Variants in ZFYVE27 observed in about 807,000 individuals in gnomAD.
The protein encoded by ZFYVE27 is zinc finger FYVE-type containing 27.
ZFYVE27 carries 36 observed loss-of-function variants against 52.8 expected under a neutral mutation model. The observed-to-expected ratio is 0.68, with a 90% CI of 0.52 to 0.90. The LOEUF (loss-of-function observed/expected upper bound fraction) is 0.90. ZFYVE27 is among the 40% of genes least tolerant of loss of function. The pLI is 0.00. For synonymous variants in ZFYVE27, 223 were observed against 215.6 expected, an observed-to-expected ratio of 1.03 and a Z score of -0.30; for missense variants, 450 against 527.2, an observed-to-expected ratio of 0.85 and a Z score of 1.43.
intron 10 of ZFYVE27, 151 bp downstream of exon 10, chr10:97,753,333 C>T: frequency 7.9e-7 from 1 of 1,260,340 alleles, no homozygotes; most frequent in South Asian, 1.5e-5. Flanking sequence ...TCCGCGGGAC[C>T]CCGGGGAGCT....
rs1418193420 is a variant in ZFYVE27, at chr10:97,738,534, C to G, written c.57C>G (p.Pro19=). ...SGPELSPSVM[P]EAPLESPPFP... ...CGGAGCTGAGCCCCAGCGTGATGCC[C>G]GAGGCTCCCCTGGAGTCTCCACCTT... is the stretch of plus-strand genomic sequence containing the variant. Residue 19 remains proline, a synonymous_variant, in exon 2 of 13, where the codon CCC becomes CCG. Coordinates refer to ENST00000684270, the MANE Select transcript of ZFYVE27 (RefSeq NM_001385875.1). 2.5e-6 allele frequency: 4 copies of G among 1,614,134 alleles called. No individual in the cohort carries two copies. In the Admixed American group the frequency reaches 6.7e-5, roughly 27 times the overall value.
intron 10 of ZFYVE27, chr10:97,754,695 A>G (rs1470493840): frequency 7.8e-7 from 1 of 1,289,206 alleles, no homozygotes; most frequent in Non-Finnish European, 1.0e-6. Context: ...CCATACTTGC[A>G]CATGTGTGAT....
At position 97,744,664 on chromosome 10, in the gene ZFYVE27, G is replaced by C. The variant is rs188283772; in HGVS notation, c.269-65G>C. Reference sequence around the variant, plus strand: ...AGGAGGTGAGGAACAAGCAGTGGGCGTCTGGGTGGGCCGACTCCTGGTCTT... The same window carrying C: ...AGGAGGTGAGGAACAAGCAGTGGGCCTCTGGGTGGGCCGACTCCTGGTCTT... On this transcript the variant is annotated intron_variant, in intron 3 of 12. Transcript: ENST00000684270. 4.4e-6 allele frequency: 7 copies of C among 1,591,026 alleles called. No homozygotes were observed. In the African/African-American group the frequency reaches 5.4e-5, roughly 12 times the overall value.
Position 97,749,652 on chromosome 10 carries a change from G to T in ZFYVE27, c.664+66G>T, listed in dbSNP as rs1192907422. 9 of 1,293,218 alleles carry T rather than the reference G, an allele frequency of 7.0e-6. No individual in the cohort carries two copies. In the East Asian group the frequency reaches 1.4e-4, roughly 20 times the overall value. 80.1% of individuals were successfully genotyped at this position (1,293,218 alleles called of 1,614,324 possible). On this transcript the variant is annotated intron_variant, in intron 6 of 12. Coordinates refer to ENST00000684270, the MANE Select transcript of ZFYVE27 (RefSeq NM_001385875.1). Reference sequence around the variant, plus strand: ...TCTGAGGGCTAGGCTAGGCTCCCCAGTTCTTCTGTCTCTACAGCTAATCAT... The same window carrying T: ...TCTGAGGGCTAGGCTAGGCTCCCCATTTCTTCTGTCTCTACAGCTAATCAT...
chr10:97,743,018 C>T lies in ZFYVE27; in HGVS notation c.198-76C>T, dbSNP rs370147130. 229 of 1,506,756 alleles carry T rather than the reference C, an allele frequency of 1.5e-4. 1 individual carries two copies. The East Asian group carries it at 2.4e-3, about 16-fold the overall frequency. 93.3% of individuals were successfully genotyped at this position (1,506,756 alleles called of 1,614,324 possible). A position where few individuals can be genotyped will look rare whatever the true frequency, so the allele number is the denominator to read the frequency against. On this transcript the variant is annotated intron_variant, in intron 2 of 12. Coordinates refer to ENST00000684270, the MANE Select transcript of ZFYVE27 (RefSeq NM_001385875.1). ...GGCCTCCTCTTCTGGTTTGATGTCC[C>T]GTCTGTGCTGCCTGGTCTCCCCTCC... is the stretch of plus-strand genomic sequence containing the variant.
chr10:97,748,192 A>G, intron 4 of ZFYVE27, 77 bp from the exon 5 acceptor site: 1 of 1,367,108 alleles, frequency 7.3e-7, no homozygotes, highest in Non-Finnish European at 1.0e-6. Context: ...TCCCTAGCCA[A>G]CTGTACCTGC....
Position 97,752,699 on chromosome 10 carries a change from G to A in ZFYVE27, c.877-158G>A, listed in dbSNP as rs115674034. Reference sequence around the variant, plus strand: ...CTGTTTGATGCTGGGATCCTCTTGTGGGGGGCGTCTGTCAATGTCACCATT... The same window carrying A: ...CTGTTTGATGCTGGGATCCTCTTGTAGGGGGCGTCTGTCAATGTCACCATT... On this transcript the variant is annotated intron_variant, in intron 8 of 12. Transcript: ENST00000684270. 2.1e-4 allele frequency among the ~76,000 whole-genome samples: 32 copies of A among 152,210 alleles called. No individual in the cohort carries two copies. The East Asian group carries it at 3.9e-3, about 18-fold the overall frequency.
intron 10 of ZFYVE27, among the ~76,000 whole-genome samples, chr10:97,754,313 C>CTTT (rs35784590): frequency 7.7e-6 from 1 of 130,684 alleles, no homozygotes; most frequent in African/African-American, 2.8e-5. Flanking sequence ...TTCAAGATCC[C>CTTT]TTTTTTTTTT....
intron 2 of ZFYVE27, among the ~76,000 whole-genome samples, 192 bp from the exon 3 acceptor site, chr10:97,742,902 G>T (rs879475088): frequency 2.0e-5 from 3 of 152,124 alleles, no homozygotes; most frequent in Admixed American, 6.5e-5. Flanking sequence ...CCTCACCCCA[G>T]GTGCTAATGT....
At chr10:97,747,797 G>C (rs1406132617) in intron 4 of ZFYVE27, among the ~76,000 whole-genome samples, 1 of 151,958 alleles carries the variant, frequency 6.6e-6, no homozygotes, top group Non-Finnish European at 1.5e-5. Context: ...CCCAGATCTG[G>C]GTTCAGATTG....
chr10:97,744,597 C>T (rs1232821952), intron 3 of ZFYVE27, 132 bp from the exon 4 acceptor site: 21 of 1,020,954 alleles, frequency 2.1e-5, no homozygotes, highest in South Asian at 6.9e-5. Context: ...GACACTGTGT[C>T]GTACAGAGCT....
chr10:97,755,319 G>T (rs1229689436), intron 10 of ZFYVE27, among the ~76,000 whole-genome samples: 3 of 152,220 alleles, frequency 2.0e-5, no homozygotes, highest in African/African-American at 7.2e-5. Context: ...GAGGGGAGCT[G>T]CTTTGGGGGC....
Position 97,744,896 on chromosome 10 carries a change from G to A in ZFYVE27, c.436G>A (p.Val146Met), listed in dbSNP as rs746654065. 60 of 1,585,858 alleles carry A rather than the reference G, an allele frequency of 3.8e-5. No homozygotes were observed. The highest frequency in any genetic ancestry group is 2.0e-4 in the South Asian group (18 of 88,586). The change falls in exon 4 of 13, where the codon GTG (valine) becomes ATG (methionine). Residue 146 changes from valine (V) to methionine (M), a missense_variant. Val to Met is a conservative substitution (Grantham distance 21, BLOSUM62 1). Coordinates refer to ENST00000684270, the MANE Select transcript of ZFYVE27 (RefSeq NM_001385875.1). ...AGGTCGCCTGTCTCGTCCCGAGGCC[G>A]TGGCTGAGGTGAAGAGCTTGTGAGT... ...QRGRLSRPEA[V>M]AEVKSFLIQL...
At chr10:97,756,959 C>T (rs897022998) in intron 10 of ZFYVE27, among the ~76,000 whole-genome samples, 5 of 152,174 alleles carry the variant, frequency 3.3e-5, no homozygotes, top group Admixed American at 3.3e-4. Flanking sequence ...AGCTGGCTTT[C>T]TTGGAGTGGA....
In ZFYVE27 at chr10:97,752,889, C is replaced by T; in HGVS notation, c.897+12C>T. 6 of 1,613,930 alleles carry T rather than the reference C, an allele frequency of 3.7e-6. No homozygotes were observed. Among genetic ancestry groups the T allele is most frequent in the Non-Finnish European group, 5.1e-6 (6 of 1,179,950 alleles). On this transcript the variant is annotated intron_variant, in intron 9 of 12. Coordinates refer to ENST00000684270, the MANE Select transcript of ZFYVE27 (RefSeq NM_001385875.1). ...ACTTGGTGGTGCTGGTAAGTGGAAG[C>T]CTTGGTGGGTGGGCAGGGGCTGGGC... is the stretch of plus-strand genomic sequence containing the variant.
At chr10:97,750,548 G>A (rs760684443) in intron 7 of ZFYVE27, 78 bp downstream of exon 7, 53 of 1,589,798 alleles carry the variant, frequency 3.3e-5, no homozygotes, top group Non-Finnish European at 4.5e-5. Context: ...TTGGCTCCTG[G>A]GCTGGCCTCT....
In ZFYVE27 at chr10:97,760,260, G is replaced by T. The variant is rs1407272369; in HGVS notation, c.*960G>T. 2.0e-5 allele frequency: 3 copies of T among 150,978 alleles called. No homozygotes were observed. Among genetic ancestry groups the T allele is most frequent in the Non-Finnish European group, 1.5e-5 (1 of 67,630 alleles). 9.4% of individuals were successfully genotyped at this position (150,978 alleles called of 1,614,324 possible). On this transcript the variant is annotated 3_prime_UTR_variant, in exon 13 of 13. Coordinates refer to ENST00000684270, the MANE Select transcript of ZFYVE27 (RefSeq NM_001385875.1). ...CCTGGGTAGTGTAGGATCTCGCTGG[G>T]CTGGGTCCTGGATTCCAGGGCTATT...
At chr10:97,753,252 A>T (rs1369962730) in intron 10 of ZFYVE27, 70 bp downstream of exon 10, 1 of 1,547,064 alleles carries the variant, frequency 6.5e-7, no homozygotes, top group African/African-American at 1.3e-5. Context: ...AGTGGGGAAC[A>T]CCCAGCCACA....
intron 2 of ZFYVE27, among the ~76,000 whole-genome samples, chr10:97,739,993 G>T (rs1467661933): frequency 6.6e-6 from 1 of 151,710 alleles, no homozygotes; most frequent in Non-Finnish European, 1.5e-5. Flanking sequence ...TTAACTTGGA[G>T]CCTATGGGTG....
Sources: gnomAD v4.1 joint callset for allele counts (sites outside exome capture counted in the v4.1 genomes callset) on GRCh38, gnomAD v4.1.1 for gene constraint, MANE v1.5 for transcripts, NCBI Gene and HGNC (gene_info 2026-07-23, HGNC 2026-07-21) for gene names.